BBS2: variants seen among roughly 807,000 people sequenced by gnomAD.
BBS2 encodes BBSome complex member BBS2.
Under a neutral mutation model 83.0 loss-of-function variants are expected in BBS2, and 62 were observed. That is an observed-to-expected ratio of 0.75 (90% confidence interval 0.61 to 0.92). The LOEUF is 0.92. Ranked by LOEUF, BBS2 falls within the 40% of genes least tolerant of loss-of-function variation. The probability of loss-of-function intolerance (pLI) is 0.00; values close to 1 mark genes in which losing one functional copy is unlikely to be tolerated. For synonymous variants in BBS2, 303 were observed against 326.1 expected (o/e 0.93, Z 0.76); for missense variants, 784 against 901.0 (o/e 0.87, Z 1.66).
chr16:56,481,095 T>C (rs947475280), downstream of BBS2, among the ~76,000 whole-genome samples: 1 of 152,154 alleles, frequency 6.6e-6, no homozygotes, highest in South Asian at 2.1e-4. Context: ...GACAGGACTG[T>C]GCATTGGCAG....
intron 17 of BBS2, among the ~76,000 whole-genome samples, chr16:56,473,998 G>A (rs1485494104): frequency 2.1e-4 from 32 of 152,156 alleles, no homozygotes; most frequent in Admixed American, 1.5e-3. Context: ...TAGTAGAAAC[G>A]GGGTTTTGCC....
intron 15 of BBS2, among the ~76,000 whole-genome samples, chr16:56,491,333 G>C (rs1376340632): frequency 6.6e-6 from 1 of 152,198 alleles, no homozygotes; most frequent in African/African-American, 2.4e-5. Context: ...GTGAGTTCTC[G>C]CTCATGCAGG....
At chr16:56,506,670 T>C (rs1254082731) in intron 5 of BBS2, among the ~76,000 whole-genome samples, 2 of 152,206 alleles carry the variant, frequency 1.3e-5, no homozygotes, top group East Asian at 3.8e-4. Flanking sequence ...CAATTGAATA[T>C]CTTACTTCAT....
rs767457747 is a variant in BBS2, at chr16:56,510,047, TATCATACA to T, written c.535-21_535-14del. The T allele has an allele frequency of 6.2e-7, 1 of 1,613,340 alleles. No individual in the cohort carries two copies. The highest frequency in any genetic ancestry group is 8.5e-7 in the Non-Finnish European group (1 of 1,179,318). On this transcript the variant is annotated splice_polypyrimidine_tract_variant and intron_variant, in intron 4 of 16. Transcript: ENST00000245157. ...ATCCAACAAGAAGCTGAAGGGGAAA[TATCATACA>T]TGTTCAGGTGAGTAAGTGCAAACAA...
At chr16:56,497,278 C>T in intron 14 of BBS2, 199 bp from the exon 15 acceptor site, 1 of 612,892 alleles carries the variant, frequency 1.6e-6, no homozygotes, top group Non-Finnish European at 2.9e-6. Context: ...CAACACGACA[C>T]TCCATGTGAA....
At chr16:56,511,371 C>CAGAT (rs1420298762) in intron 2 of BBS2, 87 bp from the exon 3 acceptor site, 2 of 1,568,028 alleles carry the variant, frequency 1.3e-6, no homozygotes, top group African/African-American at 1.3e-5. Context: ...GTAAACTGAG[C>CAGAT]AGATTTTGAG....
intron 17 of BBS2, chr16:56,474,715 G>A (rs528827852): frequency 2.7e-6 from 2 of 747,260 alleles, no homozygotes; most frequent in East Asian, 2.8e-5. Flanking sequence ...TCAAAGGTTT[G>A]TGGGAATGGT....
chr16:56,513,906 C>A (rs1320304158), intron 2 of BBS2, among the ~76,000 whole-genome samples: 1 of 152,086 alleles, frequency 6.6e-6, no homozygotes, highest in Non-Finnish European at 1.5e-5. Flanking sequence ...GTATATATGA[C>A]CCCATTTTAC....
intron 17 of BBS2, chr16:56,475,518 G>A (rs1352768511): frequency 1.9e-6 from 3 of 1,613,926 alleles, no homozygotes; most frequent in Non-Finnish European, 2.5e-6. Context: ...CTGGGAGCCA[G>A]AATATGGCGG....
intron 8 of BBS2, 71 bp downstream of exon 8, chr16:56,502,602 A>C: frequency 6.2e-7 from 1 of 1,611,402 alleles, no homozygotes; most frequent in Non-Finnish European, 8.5e-7. Context: ...CTTCAGGTGA[A>C]ATTTCCTGAT....
Position 56,502,297 on chromosome 16 carries a change from A to C in BBS2, c.1080+20T>G. On this transcript the variant is annotated intron_variant, in intron 9 of 16. Transcript: ENST00000245157. The stretch of plus-strand genomic sequence containing the variant: ...ACATTTCAGCCTCCATTACCTGGTC[A>C]CATTAGGACCTACACCTACCTTGGC... 6.2e-7 allele frequency: 1 copy of C among 1,613,976 alleles called. No individual in the cohort carries two copies. The highest frequency in any genetic ancestry group is 8.5e-7 in the Non-Finnish European group (1 of 1,179,972).
At chr16:56,492,594 G>A (rs1487448422) in intron 15 of BBS2, among the ~76,000 whole-genome samples, 2 of 152,150 alleles carry the variant, frequency 1.3e-5, no homozygotes, top group Non-Finnish European at 1.5e-5. Context: ...TATAGTCAAC[G>A]ATAATGTATT....
At chr16:56,487,010 C>T (rs552425217) in intron 15 of BBS2, among the ~76,000 whole-genome samples, 32 of 152,144 alleles carry the variant, frequency 2.1e-4, no homozygotes, top group African/African-American at 7.5e-4. Flanking sequence ...GTGATCCACC[C>T]ACCTTGGCCT....
chr16:56,507,325 T>C (rs1294388750), intron 5 of BBS2, among the ~76,000 whole-genome samples: 1 of 152,368 alleles, frequency 6.6e-6, no homozygotes, highest in South Asian at 2.1e-4. Flanking sequence ...TTCTTCCTTT[T>C]GTGGACTAGA....
rs1410921220 is a variant in BBS2, at chr16:56,498,789, T to G, written c.1528-221A>C. On this transcript the variant is annotated intron_variant, in intron 12 of 16. Coordinates refer to ENST00000245157, the MANE Select transcript of BBS2 (RefSeq NM_031885.5). The stretch of plus-strand genomic sequence containing the variant: ...ACATTCCCTTTTCTCACCTCACCTA[T>G]GCTCTTAAGTAACATTCATAATTAT... 1.2e-5 allele frequency: 15 copies of G among 1,254,066 alleles called. No homozygotes were observed. The African/African-American group carries it at 1.8e-4, about 15-fold the overall frequency. 77.7% of individuals were successfully genotyped at this position (1,254,066 alleles called of 1,614,324 possible).
rs375828912 is a variant in BBS2 at position 56,497,754 on chromosome 16, C to T, written c.1786G>A (p.Val596Met). Residue 596 changes from valine (V) to methionine (M), a missense_variant, in exon 14 of 17, where the codon GTG becomes ATG. By Grantham distance (21) the Val-to-Met change is conservative. Transcript: ENST00000245157. ...CCGCATTCCCTCACCTTAACTAGCA[C>T]CTTTCGTAATTCCTCAAAATAGACA... ...FPVYFEELRKVLVKVDEYHSV... is the reference protein window; with the variant it reads ...FPVYFEELRKMLVKVDEYHSV... 15 of 1,613,340 alleles carry T rather than the reference C, an allele frequency of 9.3e-6. No homozygotes were observed. The African/African-American group carries it at 1.7e-4, about 19-fold the overall frequency.
downstream of BBS2, among the ~76,000 whole-genome samples, chr16:56,483,084 G>A (rs746482502): frequency 6.6e-6 from 1 of 152,108 alleles, no homozygotes; most frequent in Non-Finnish European, 1.5e-5. Flanking sequence ...ACACCTAGAT[G>A]GTATAGCCTA....
chr16:56,511,906 T>C (rs1438887654), intron 2 of BBS2, among the ~76,000 whole-genome samples: 1 of 152,234 alleles, frequency 6.6e-6, no homozygotes, highest in East Asian at 1.9e-4. Flanking sequence ...ACATGCCTAG[T>C]GGAACAAGCC....
intron 15 of BBS2, among the ~76,000 whole-genome samples, chr16:56,488,931 G>C (rs2398256): frequency 0.077 from 11,727 of 152,142 alleles, 671 homozygotes; most frequent in East Asian, 0.16. Context: ...ATGTATTTCA[G>C]AATATCACAA....
Sources: gnomAD v4.1 joint callset for allele counts (sites outside exome capture counted in the v4.1 genomes callset) on GRCh38, gnomAD v4.1.1 for gene constraint, MANE v1.5 for transcripts, NCBI Gene and HGNC (gene_info 2026-07-23, HGNC 2026-07-21) for gene names.